STOX2: variants seen among roughly 807,000 people sequenced by gnomAD.
The protein encoded by STOX2 is storkhead box 2.
A neutral mutation model predicts 60.9 loss-of-function variants in STOX2; 28 were observed. The ratio of observed to expected loss-of-function variants is 0.46; its 90% CI spans 0.34 to 0.63. The LOEUF (loss-of-function observed/expected upper bound fraction) is 0.63. Ranked by LOEUF, STOX2 falls within the 30% of genes least tolerant of loss-of-function variation. The probability of loss-of-function intolerance (pLI) is 0.01; values close to 1 mark genes in which losing one functional copy is unlikely to be tolerated. For missense variants in STOX2, 1,024 were observed against 1,187.7 expected, an observed-to-expected ratio of 0.86 and a Z score of 2.03; for synonymous variants, 472 against 463.9, an observed-to-expected ratio of 1.02 and a Z score of -0.22.
Position 183,856,057 on chromosome 4 carries a change from C to T in STOX2, c.364+58002C>T, listed in dbSNP as rs1343395841. 1.3e-5 allele frequency among the ~76,000 whole-genome samples: 2 copies of T among 152,310 alleles called. No homozygotes were observed. The highest frequency in any genetic ancestry group is 3.9e-4 in the East Asian group (2 of 5,186). On this transcript the variant is annotated intron_variant, in intron 1 of 2. Transcript: ENST00000513034. The surrounding 1 kb of genome is among the most constrained non-coding windows in gnomAD (Gnocchi z 4.0). The stretch of plus-strand genomic sequence containing the variant: ...CTGAGTTCGCTTCCAGCCTAGGTCT[C>T]ATTCCTGGCCTGGTGGTAGCATCTT...
upstream of STOX2, among the ~76,000 whole-genome samples, chr4:183,901,085 C>T (rs72695357): frequency 4.1e-4 from 62 of 152,284 alleles, no homozygotes; most frequent in Non-Finnish European, 7.2e-4. Flanking sequence ...TCCTCCAGCC[C>T]CTGGCCACCA....
At chr4:183,866,136 G>A (rs1325224653) in intron 1 of STOX2, among the ~76,000 whole-genome samples, 4 of 152,070 alleles carry the variant, frequency 2.6e-5, no homozygotes, top group South Asian at 2.1e-4. Flanking sequence ...AATTCTTTGC[G>A]GTGAAGGAAT....
intron 1 of STOX2, among the ~76,000 whole-genome samples, chr4:183,828,973 A>G (rs1317349354): frequency 2.0e-5 from 3 of 152,234 alleles, no homozygotes. Flanking sequence ...AAGTTGTAAC[A>G]GGCAGAAGAA....
intron 1 of STOX2, among the ~76,000 whole-genome samples, chr4:183,809,929 T>G (rs1357770461): frequency 2.6e-5 from 4 of 152,260 alleles, no homozygotes; most frequent in African/African-American, 9.6e-5. Flanking sequence ...TGAGCATCTT[T>G]TATTCTCCAA....
intron 1 of STOX2, among the ~76,000 whole-genome samples, chr4:183,969,098 C>T (rs564890229): frequency 2.6e-5 from 4 of 152,276 alleles, no homozygotes; most frequent in East Asian, 1.9e-4. Context: ...TGAGAATTGA[C>T]GCCTTTATTG....
At chr4:183,895,052 G>T (rs1371828884) in intron 1 of STOX2, among the ~76,000 whole-genome samples, 1 of 152,142 alleles carries the variant, frequency 6.6e-6, no homozygotes, top group East Asian at 1.9e-4. Flanking sequence ...CTCGCACCAG[G>T]CATTACGGAG....
At chr4:183,908,526 G>A (rs1741682026) in intron 1 of STOX2, among the ~76,000 whole-genome samples, 1 of 151,040 alleles carries the variant, frequency 6.6e-6, no homozygotes, top group African/African-American at 2.4e-5. Flanking sequence ...AGGGTTGGTG[G>A]CCATCATTTC....
chr4:183,968,829 T>C (rs1579483834), intron 1 of STOX2, among the ~76,000 whole-genome samples: 1 of 152,096 alleles, frequency 6.6e-6, no homozygotes, highest in African/African-American at 2.4e-5. Flanking sequence ...AGAAGGTAAA[T>C]GGTATAACAC....
At chr4:183,876,553 G>A (rs1014755098) in intron 1 of STOX2, among the ~76,000 whole-genome samples, 11 of 152,216 alleles carry the variant, frequency 7.2e-5, no homozygotes, top group African/African-American at 1.7e-4. Flanking sequence ...ATGTTGAGCC[G>A]GGATGGCAAG....
intron 1 of STOX2, among the ~76,000 whole-genome samples, chr4:183,961,994 C>G (rs1043205511): frequency 6.6e-6 from 1 of 152,322 alleles, no homozygotes; most frequent in East Asian, 1.9e-4. Context: ...TGCGGTGACC[C>G]CATGAAGAGA....
intron 1 of STOX2, among the ~76,000 whole-genome samples, chr4:183,939,934 C>T (rs755244300): frequency 2.0e-5 from 3 of 152,090 alleles, no homozygotes; most frequent in Admixed American, 6.5e-5. Context: ...AATGGAATCT[C>T]GCTCTGTCGC....
chr4:183,852,672 A>G (rs1163903884), intron 1 of STOX2, among the ~76,000 whole-genome samples: 4 of 152,196 alleles, frequency 2.6e-5, no homozygotes, highest in South Asian at 4.1e-4. Flanking sequence ...CCCTTCAGCC[A>G]TGGGAGGTTC....
chr4:183,993,584 T>C (rs1733202144), intron 1 of STOX2, among the ~76,000 whole-genome samples: 1 of 151,964 alleles, frequency 6.6e-6, no homozygotes, highest in East Asian at 1.9e-4. Context: ...CCATTAAGTG[T>C]TGAAGTAAAG....
intron 1 of STOX2, among the ~76,000 whole-genome samples, chr4:183,909,395 G>A (rs1243020716): frequency 6.6e-6 from 1 of 152,076 alleles, no homozygotes; most frequent in African/African-American, 2.4e-5. Context: ...AAACACATGA[G>A]GCCTTTCATA....
At chr4:183,928,833 C>A (rs1274945006) in intron 1 of STOX2, among the ~76,000 whole-genome samples, 2 of 151,432 alleles carry the variant, frequency 1.3e-5, no homozygotes, top group South Asian at 2.1e-4. Context: ...AAAAAAACAA[C>A]AAAAAAACTT....
chr4:183,835,610 A>G (rs1188337450), intron 1 of STOX2, among the ~76,000 whole-genome samples: 1 of 152,198 alleles, frequency 6.6e-6, no homozygotes, highest in Non-Finnish European at 1.5e-5. Context: ...GTCTGTTTTC[A>G]ATCTCTTCCT....
At chr4:183,993,152 T>C (rs757981897) in intron 1 of STOX2, among the ~76,000 whole-genome samples, 4 of 152,238 alleles carry the variant, frequency 2.6e-5, no homozygotes, top group Non-Finnish European at 5.9e-5. Flanking sequence ...TTCTGCCCGA[T>C]GCTCTACCCT....
At chr4:183,851,473 C>CGATGGGGGAAAG (rs1740135777) in intron 1 of STOX2, among the ~76,000 whole-genome samples, 6 of 9,356 alleles carry the variant, frequency 6.4e-4, no homozygotes, top group Non-Finnish European at 9.1e-4. Context: ...ATGAGAGAAA[C>CGATGGGGGAAAG]GATGAGGGAA....
intron 1 of STOX2, among the ~76,000 whole-genome samples, chr4:183,993,974 T>G (rs1392228287): frequency 6.6e-6 from 1 of 152,202 alleles, no homozygotes; most frequent in African/African-American, 2.4e-5. Context: ...AATACTGTAG[T>G]AGGCCTTCTG....
Sources: allele counts gnomAD v4.1 joint callset (sites outside exome capture counted in the v4.1 genomes callset), GRCh38; gene constraint gnomAD v4.1.1; non-coding constraint Gnocchi (gnomAD v3.1); transcripts MANE v1.5; gene names NCBI Gene and HGNC (gene_info 2026-07-23, HGNC 2026-07-21).